The following TAF15 variants were observed in gnomAD, a reference collection of about 807,000 sequenced individuals.
TAF15 encodes the protein TATA-box binding protein associated factor 15.
In TAF15, 37 loss-of-function variants were observed where a neutral mutation model predicts 102.5. The ratio of observed to expected loss-of-function variants is 0.36; its 90% CI spans 0.28 to 0.47. The LOEUF (loss-of-function observed/expected upper bound fraction) is 0.47, where lower values mean the gene tolerates loss of function less well. TAF15 is among the 20% of genes least tolerant of loss of function. The pLI is 0.99. For synonymous variants in TAF15, 273 were observed against 259.2 expected, an observed-to-expected ratio of 1.05 and a Z score of -0.51; for missense variants, 652 against 760.7, an observed-to-expected ratio of 0.86 and a Z score of 1.68.
At chr17:35,811,894 T>TA (rs1442681656) in intron 1 of TAF15, among the ~76,000 whole-genome samples, 28 of 152,114 alleles carry the variant, frequency 1.8e-4, no homozygotes, top group Non-Finnish European at 3.2e-4. Flanking sequence ...TACAAAGATT[T>TA]AAAAAAATGG....
intron 1 of TAF15, among the ~76,000 whole-genome samples, chr17:35,812,947 G>A (rs2087143468): frequency 6.6e-6 from 1 of 151,754 alleles, no homozygotes. Context: ...GGCCACCATG[G>A]CGAAACCCCA....
Position 35,844,606 on chromosome 17 carries a change from G to A in TAF15, c.1307G>A (p.Gly436Asp). 1 of 1,598,530 alleles carries A rather than the reference G, an allele frequency of 6.3e-7. No homozygotes were observed. Among genetic ancestry groups the A allele is most frequent in the South Asian group, 1.1e-5 (1 of 88,830 alleles). The change falls in exon 15 of 16, where the codon GGC becomes GAC. Residue 436 changes from glycine (G) to aspartate (D), a missense_variant. Physicochemically the swap from Gly to Asp is moderately conservative, Grantham distance 94 (BLOSUM62 -1). This residue lies in a region of TAF15 where 368 missense variants were observed against 367.5 expected (regional missense o/e 1.00). Transcript: ENST00000605844. ...GGTGGAGACAGAAGCAGCGGTGGTG[G>A]CTACAGCGGAGATAGAAGTGGGGGC... ...GYGGDRSSGG[G>D]YSGDRSGGGY... is the part of the protein sequence containing the mutation.
At chr17:35,823,102 T>G (rs1324469741) in intron 6 of TAF15, among the ~76,000 whole-genome samples, 2 of 152,216 alleles carry the variant, frequency 1.3e-5, no homozygotes, top group African/African-American at 4.8e-5. Context: ...ATACTGCTGG[T>G]ACCAGTTCTT....
intron 5 of TAF15, 31 bp from the exon 6 acceptor site, chr17:35,822,609 G>A (rs2143766663): frequency 1.2e-6 from 2 of 1,602,206 alleles, no homozygotes; most frequent in Non-Finnish European, 1.7e-6. Context: ...ATCTTCCTAT[G>A]AAGTCTCTTA....
At chr17:35,846,805 T>A in intron 15 of TAF15, 101 bp from the exon 16 acceptor site, 1 of 1,218,034 alleles carries the variant, frequency 8.2e-7, no homozygotes, top group South Asian at 1.2e-5. Context: ...CTTTAGAAAT[T>A]GTCTAGCTGA....
intron 7 of TAF15, among the ~76,000 whole-genome samples, chr17:35,831,970 C>T (rs970519534): frequency 6.6e-6 from 1 of 151,986 alleles, no homozygotes; most frequent in Non-Finnish European, 1.5e-5. Context: ...CCCAGCTACT[C>T]GGGAGGCTGA....
chr17:35,846,325 T>C (rs951801636), intron 15 of TAF15, among the ~76,000 whole-genome samples: 3 of 152,252 alleles, frequency 2.0e-5, no homozygotes, highest in African/African-American at 7.2e-5. Flanking sequence ...TAGATTACGT[T>C]GTACTAGTTG....
At chr17:35,841,797 A>T (rs1162475007) in intron 11 of TAF15, among the ~76,000 whole-genome samples, 1 of 151,680 alleles carries the variant, frequency 6.6e-6, no homozygotes, top group East Asian at 1.9e-4. Flanking sequence ...TCCCAGGCTC[A>T]AGTAATCCTC....
chr17:35,844,834 G>A lies in TAF15; in HGVS notation c.1535G>A (p.Arg512Gln), dbSNP rs370345089. ...GGDRGGYGGDRGGYGGDRGGY... is the reference protein window; with the variant it reads ...GGDRGGYGGDQGGYGGDRGGY... ...GATCGAGGAGGTTACGGAGGAGATCGAGGAGGTTATGGAGGAGATCGAGGA... is the reference window on the plus strand; with the variant it reads ...GATCGAGGAGGTTACGGAGGAGATCAAGGAGGTTATGGAGGAGATCGAGGA... The change falls in exon 15 of 16, where the codon CGA becomes CAA. Residue 512 changes from arginine (R) to glutamine (Q), a missense_variant. Coordinates refer to ENST00000605844, the MANE Select transcript of TAF15 (RefSeq NM_139215.3). 142 of 1,601,752 alleles carry A rather than the reference G, an allele frequency of 8.9e-5. 2 individuals are homozygous for A. The highest frequency in any genetic ancestry group is 5.6e-4 in the South Asian group (51 of 90,634).
At chr17:35,814,506 G>A (rs1010243807) in intron 1 of TAF15, among the ~76,000 whole-genome samples, 2 of 150,894 alleles carry the variant, frequency 1.3e-5, no homozygotes, top group African/African-American at 4.9e-5. Context: ...CCAAAATAAA[G>A]TTCAGACGTA....
At chr17:35,812,583 CAAAAAAAAAAAAAA>C (rs34497840) in intron 1 of TAF15, among the ~76,000 whole-genome samples, 2 of 66,280 alleles carry the variant, frequency 3.0e-5, no homozygotes, top group Non-Finnish European at 6.1e-5. Context: ...AACTCTATCT[CAAAAAAAAAAAAAA>C]AAAAAAAAAC....
intron 10 of TAF15, 134 bp downstream of exon 10, chr17:35,836,375 CTG>C (rs1306438518): frequency 5.8e-5 from 38 of 655,178 alleles, no homozygotes; most frequent in Non-Finnish European, 2.6e-6. Context: ...TCGTTTATGT[CTG>C]TAGACGTTTG....
chr17:35,837,848 A>G (rs997606851), intron 10 of TAF15, among the ~76,000 whole-genome samples: 4 of 152,138 alleles, frequency 2.6e-5, no homozygotes, highest in Non-Finnish European at 5.9e-5. Flanking sequence ...ACGTATTTAC[A>G]TGAAGCATTA....
At position 35,820,343 on chromosome 17, in the gene TAF15, T is replaced by C. The variant is rs768664655; in HGVS notation, c.196T>C (p.Ser66Pro). The C allele has an allele frequency of 6.2e-7, 1 of 1,613,986 alleles. No homozygotes were observed. Among genetic ancestry groups the C allele is most frequent in the Non-Finnish European group, 8.5e-7 (1 of 1,179,914 alleles). The change falls in exon 5 of 16, where the codon TCC becomes CCC. Residue 66 changes from serine (S) to proline (P), a missense_variant. Coordinates refer to ENST00000605844, the MANE Select transcript of TAF15 (RefSeq NM_139215.3). ...YGQSQSGYSQ[S>P]YGGYENQKQS... ...CATCTAATCTTTAGGTTATTCACAG[T>C]CCTATGGTGGTTATGAGAATCAAAA...
intron 1 of TAF15, among the ~76,000 whole-genome samples, chr17:35,814,874 A>G (rs4795091): frequency 0.1 from 15,570 of 151,670 alleles, 932 homozygotes; most frequent in East Asian, 0.22. Flanking sequence ...GTGTGTGTGT[A>G]TATATATATG....
chr17:35,837,268 C>T (rs2087486873), intron 10 of TAF15, among the ~76,000 whole-genome samples: 1 of 152,116 alleles, frequency 6.6e-6, no homozygotes, highest in East Asian at 1.9e-4. Flanking sequence ...CCTCCCAACT[C>T]AGCCTCCTGA....
chr17:35,840,139 A>G (rs1003882469), intron 11 of TAF15, among the ~76,000 whole-genome samples: 3 of 150,812 alleles, frequency 2.0e-5, no homozygotes, highest in East Asian at 1.9e-4. Context: ...TGCTGGATCT[A>G]CTCTTTCCAA....
intron 7 of TAF15, among the ~76,000 whole-genome samples, chr17:35,829,655 A>AG (rs1205384270): frequency 5.2e-5 from 7 of 135,542 alleles, no homozygotes; most frequent in South Asian, 2.3e-4. Flanking sequence ...AAAAAAAAAA[A>AG]AGAGAGAGAG....
chr17:35,822,981 C>T, intron 6 of TAF15, 148 bp downstream of exon 6: 1 of 1,009,772 alleles, frequency 9.9e-7, no homozygotes, highest in Admixed American at 2.1e-5. Flanking sequence ...GTAATCAAAA[C>T]TAGTTTATCA....
Sources: gnomAD v4.1 joint callset for allele counts (sites outside exome capture counted in the v4.1 genomes callset) on GRCh38, gnomAD v4.1.1 for gene constraint, gnomAD v4.1.1 regional missense constraint, MANE v1.5 for transcripts, NCBI Gene and HGNC (gene_info 2026-07-23, HGNC 2026-07-21) for gene names.